The following SPRING1 variants were observed in gnomAD, a reference collection of about 807,000 sequenced individuals.
The protein encoded by SPRING1 is SREBP regulating gene protein.
Under a neutral mutation model 24.7 loss-of-function variants are expected in SPRING1, and 14 were observed. The observed-to-expected ratio is 0.57, with a 90% CI of 0.37 to 0.88. SPRING1 has a LOEUF of 0.88. Ranked by LOEUF, SPRING1 falls within the 40% of genes least tolerant of loss-of-function variation. SPRING1 has a pLI of 0.00. For missense variants in SPRING1, 255 were observed against 268.4 expected (o/e 0.95, Z 0.35); for synonymous variants, 93 against 106.1 (o/e 0.88, Z 0.76).
At chr12:116,736,299 G>A (rs551128858) in intron 1 of SPRING1, among the ~76,000 whole-genome samples, 5 of 152,230 alleles carry the variant, frequency 3.3e-5, no homozygotes, top group Non-Finnish European at 2.9e-5. Context: ...GAGTCCTGGC[G>A]CACCCCACCA....
At chr12:116,730,146 C>A (rs1272219969) in intron 1 of SPRING1, among the ~76,000 whole-genome samples, 1 of 152,008 alleles carries the variant, frequency 6.6e-6, no homozygotes, top group Admixed American at 6.6e-5. Context: ...ATGATCCACC[C>A]GCCTCGGCCT....
At position 116,714,843 on chromosome 12, in the gene SPRING1, C is replaced by A. The variant is rs1870041837; in HGVS notation, c.*2967G>T. ...GCTCTAGCATTGCCAGATCCCAGGC[C>A]CTGTGGAAGGTATTTCCCTCCCTCT... On this transcript the variant is annotated 3_prime_UTR_variant, in exon 5 of 5. Transcript: ENST00000261318. The A allele has an allele frequency of 6.6e-6, 1 of 151,322 alleles. No individual in the cohort carries two copies. The highest frequency in any genetic ancestry group is 2.4e-5 in the African/African-American group (1 of 41,138). The allele number at this position is 151,322 out of a possible 1,614,324, so 9.4% of individuals were successfully genotyped here.
rs1870170978 is a variant in SPRING1 at position 116,717,049 on chromosome 12, G to A, written c.*761C>T. 6.6e-6 allele frequency: 1 copy of A among 152,164 alleles called. No individual in the cohort carries two copies. Among genetic ancestry groups the A allele is most frequent in the Admixed American group, 6.5e-5 (1 of 15,274 alleles). The allele number at this position is 152,164 out of a possible 1,614,324, so 9.4% of individuals were successfully genotyped here. ...ACAGTGCTCTCCATAGGGTATATGA[G>A]CACATTCGACTACCACTGGAAAATA... On this transcript the variant is annotated 3_prime_UTR_variant, in exon 5 of 5. Coordinates refer to ENST00000261318, the MANE Select transcript of SPRING1 (RefSeq NM_024738.4). The surrounding 1 kb of genome is among the most constrained non-coding windows in gnomAD (Gnocchi z 4.2).
chr12:116,722,126 G>A (rs796866927), intron 2 of SPRING1, among the ~76,000 whole-genome samples: 12 of 152,264 alleles, frequency 7.9e-5, no homozygotes, highest in African/African-American at 2.9e-4. Context: ...AATATTCACA[G>A]TGGCATCTGC....
Position 116,717,698 on chromosome 12 carries a change from G to T in SPRING1, c.*112C>A. 1 of 954,094 alleles carries T rather than the reference G, an allele frequency of 1.0e-6. No homozygotes were observed. Among genetic ancestry groups the T allele is most frequent in the Non-Finnish European group, 1.5e-6 (1 of 654,722 alleles). The allele number at this position is 954,094 out of a possible 1,614,324, so 59.1% of individuals were successfully genotyped here. A position where few individuals can be genotyped will look rare whatever the true frequency, so the allele number is the denominator to read the frequency against. On this transcript the variant is annotated 3_prime_UTR_variant, in exon 5 of 5. Transcript: ENST00000261318. This position sits in a 1 kb window ranked among gnomAD's most constrained non-coding sequence, Gnocchi z 4.2. ...GGGGTCAAAGCCAAGGTTTCCTCAC[G>T]CTGCCTTTGTCTTCTTCCTGCAGCC...
At chr12:116,729,346 C>A (rs1359631571) in intron 1 of SPRING1, among the ~76,000 whole-genome samples, 2 of 152,188 alleles carry the variant, frequency 1.3e-5, no homozygotes, top group African/African-American at 4.8e-5. Flanking sequence ...AATACTACAC[C>A]AGAATTTGAC....
rs538181958 is a variant in SPRING1, at chr12:116,720,711, C to T, written c.269-264G>A. Among the ~76,000 whole-genome samples the T allele has an allele frequency of 8.5e-5, 13 of 152,340 alleles. No individual in the cohort carries two copies. The highest frequency in any genetic ancestry group is 3.1e-4 in the African/African-American group (13 of 41,582). On this transcript the variant is annotated intron_variant, in intron 2 of 4. Coordinates refer to ENST00000261318, the MANE Select transcript of SPRING1 (RefSeq NM_024738.4). This position sits in a 1 kb window ranked among gnomAD's most constrained non-coding sequence, Gnocchi z 4.0. Reference sequence around the variant, plus strand: ...ACACCTACTGTTTAGTCGGCTGGCACATGTCTGATTTCATCATCAGGTCAA... The same window carrying T: ...ACACCTACTGTTTAGTCGGCTGGCATATGTCTGATTTCATCATCAGGTCAA...
chr12:116,712,522 T>C lies in SPRING1; in HGVS notation c.*5288A>G, dbSNP rs569067957. 5.9e-5 allele frequency: 9 copies of C among 152,190 alleles called. No homozygotes were observed. The highest frequency in any genetic ancestry group is 2.2e-4 in the African/African-American group (9 of 41,530). 9.4% of individuals were successfully genotyped at this position (152,190 alleles called of 1,614,324 possible). ...TGGAAGAGCCTTGCCCAACGAACGA[T>C]AGACTAACAGGCCAGAGGCGGGGAA... On this transcript the variant is annotated 3_prime_UTR_variant, in exon 5 of 5. Transcript: ENST00000261318.
chr12:116,736,905 G>A (rs997438577), intron 1 of SPRING1, among the ~76,000 whole-genome samples: 1 of 152,170 alleles, frequency 6.6e-6, no homozygotes, highest in Admixed American at 6.5e-5. Context: ...CACCCAGGAG[G>A]ACACAGAGCC....
intron 3 of SPRING1, 52 bp from the exon 4 acceptor site, chr12:116,719,928 G>C (rs1446120159): frequency 6.7e-7 from 1 of 1,492,802 alleles, no homozygotes; most frequent in Admixed American, 1.7e-5. Context: ...CCAGCACAAG[G>C]TGACCTTGGC....
rs999528115 is a variant in SPRING1 at position 116,713,613 on chromosome 12, A to G, written c.*4197T>C. 1 of 152,248 alleles carries G rather than the reference A, an allele frequency of 6.6e-6. No homozygotes were observed. The highest frequency in any genetic ancestry group is 1.5e-5 in the Non-Finnish European group (1 of 68,052). The allele number at this position is 152,248 out of a possible 1,614,324, so 9.4% of individuals were successfully genotyped here. On this transcript the variant is annotated 3_prime_UTR_variant, in exon 5 of 5. Coordinates refer to ENST00000261318, the MANE Select transcript of SPRING1 (RefSeq NM_024738.4). ...AGATAAACATACAACCATGTATGTA[A>G]AAGTATTTATCATCAATGCATTATT...
At position 116,723,242 on chromosome 12, in the gene SPRING1, T is replaced by C. The variant is rs781255328; in HGVS notation, c.112-19A>G. The C allele has an allele frequency of 5.0e-6, 8 of 1,613,726 alleles. No individual in the cohort carries two copies. The highest frequency in any genetic ancestry group is 6.8e-6 in the Non-Finnish European group (8 of 1,179,836). On this transcript the variant is annotated intron_variant, in intron 1 of 4. Transcript: ENST00000261318. ...TCTCCTCCTGCAAAGAAACCATAAG[T>C]GAGAAGGTTAAGTATCCAGTATCCT...
intron 1 of SPRING1, among the ~76,000 whole-genome samples, chr12:116,735,166 C>T (rs894221979): frequency 3.9e-5 from 6 of 152,112 alleles, no homozygotes; most frequent in African/African-American, 1.4e-4. Context: ...ACCTGGTGAA[C>T]AGTAATGCCA....
In SPRING1 at chr12:116,717,613, A is replaced by T; in HGVS notation, c.*197T>A. ...GGCTGGAGGGGCCAAGCTGCTTTAC[A>T]GAAGAGTTCCATCTGGTAAGCCCGG... On this transcript the variant is annotated 3_prime_UTR_variant, in exon 5 of 5. Transcript: ENST00000261318. This position sits in a 1 kb window ranked among gnomAD's most constrained non-coding sequence, Gnocchi z 4.2. The T allele has an allele frequency of 2.0e-6, 1 of 507,430 alleles. No homozygotes were observed. Among genetic ancestry groups the T allele is most frequent in the East Asian group, 3.4e-5 (1 of 29,118 alleles). The allele number at this position is 507,430 out of a possible 1,614,324, so 31.4% of individuals were successfully genotyped here. A position where few individuals can be genotyped will look rare whatever the true frequency, so the allele number is the denominator to read the frequency against.
At chr12:116,730,713 C>T (rs969505319) in intron 1 of SPRING1, among the ~76,000 whole-genome samples, 1 of 118,852 alleles carries the variant, frequency 8.4e-6, no homozygotes, top group African/African-American at 3.2e-5. Context: ...CTAATTGACA[C>T]ATTTTCATTA....
chr12:116,719,409 C>T (rs1592915248), intron 4 of SPRING1, among the ~76,000 whole-genome samples: 2 of 152,234 alleles, frequency 1.3e-5, no homozygotes, highest in African/African-American at 4.8e-5. Context: ...ACTGGAAAGC[C>T]TTAGTCAAAT....
rs4767439 is a variant in SPRING1 at position 116,710,744 on chromosome 12, G to A, written c.*7066C>T. Reference sequence around the variant, plus strand: ...GGAGAAAAACGGGCTCCAGATGGCTGGGCTACATTTGTCCTGTGAAAATCA... The same window carrying A: ...GGAGAAAAACGGGCTCCAGATGGCTAGGCTACATTTGTCCTGTGAAAATCA... On this transcript the variant is annotated 3_prime_UTR_variant, in exon 5 of 5. Transcript: ENST00000261318. 0.25 allele frequency: 37,367 copies of A among 152,050 alleles called. 4,752 individuals carry two copies. The highest frequency in any genetic ancestry group is 0.37 in the East Asian group (1,894 of 5,168). The allele number at this position is 152,050 out of a possible 1,614,324, so 9.4% of individuals were successfully genotyped here.
intron 1 of SPRING1, among the ~76,000 whole-genome samples, chr12:116,723,732 G>A (rs1230718420): frequency 3.3e-5 from 5 of 152,136 alleles, no homozygotes; most frequent in African/African-American, 4.8e-5. Context: ...TTGGGAAAAC[G>A]TGAATTAGGA....
chr12:116,735,613 T>A (rs1323438978), intron 1 of SPRING1, among the ~76,000 whole-genome samples: 1 of 151,966 alleles, frequency 6.6e-6, no homozygotes, highest in Non-Finnish European at 1.5e-5. Context: ...ATGCCTGTAA[T>A]CCCAGCTACT....
Sources: allele counts gnomAD v4.1 joint callset (sites outside exome capture counted in the v4.1 genomes callset), GRCh38; gene constraint gnomAD v4.1.1; non-coding constraint Gnocchi (gnomAD v3.1); transcripts MANE v1.5; gene names NCBI Gene and HGNC (gene_info 2026-07-23, HGNC 2026-07-21).